PRKACA: variants seen among roughly 807,000 people sequenced by gnomAD.
PRKACA encodes cAMP-dependent protein kinase catalytic subunit alpha.
PRKACA carries 9 observed loss-of-function variants against 45.8 expected under a neutral mutation model. The observed-to-expected ratio is 0.20, with a 90% CI of 0.12 to 0.34. The LOEUF is 0.34. Ranked by LOEUF, PRKACA falls within the 10% of genes least tolerant of loss-of-function variation. The pLI is 1.00. For synonymous variants in PRKACA, 160 were observed against 178.6 expected (o/e 0.90, Z 0.83); for missense variants, 238 against 458.6 (o/e 0.52, Z 4.39).
intron 5 of PRKACA, among the ~76,000 whole-genome samples, chr19:14,099,604 T>A (rs1341093037): frequency 1.3e-5 from 2 of 150,398 alleles, no homozygotes; most frequent in African/African-American, 4.9e-5. Flanking sequence ...TTTTTTTTTT[T>A]TTGTATTTTT....
At position 14,097,837 on chromosome 19, in the gene PRKACA, A is replaced by C; in HGVS notation, c.473T>G (p.Leu158Arg). The change falls in exon 6 of 10, where the codon CTG (leucine) becomes CGG (arginine). Residue 158 changes from leucine to arginine, a missense_variant. Leu to Arg is a moderately radical substitution (Grantham distance 102). Coordinates refer to ENST00000308677, the MANE Select transcript of PRKACA (RefSeq NM_002730.4). This position sits in a 1 kb window ranked among gnomAD's most constrained non-coding sequence, Gnocchi z 5.4. ...AAQIVLTFEY[L>R]HSLDLIYRDL... ...CCTGTAGATGAGATCCAGCGAGTGC[A>C]GATACTCAAAGGTCAGGACGATCTG... The C allele has an allele frequency of 6.2e-7, 1 of 1,614,176 alleles. No individual in the cohort carries two copies. Among genetic ancestry groups the C allele is most frequent in the Non-Finnish European group, 8.5e-7 (1 of 1,180,026 alleles).
At chr19:14,103,790 G>T (rs1977515306) in intron 3 of PRKACA, among the ~76,000 whole-genome samples, 1 of 152,218 alleles carries the variant, frequency 6.6e-6, no homozygotes, top group Non-Finnish European at 1.5e-5. Flanking sequence ...CACCAGCTGG[G>T]CATGGTGGCT....
At position 14,097,922 on chromosome 19, in the gene PRKACA, G is replaced by T. The variant is rs1977311623; in HGVS notation, c.420-32C>A. On this transcript the variant is annotated intron_variant, in intron 5 of 9. Coordinates refer to ENST00000308677, the MANE Select transcript of PRKACA (RefSeq NM_002730.4). The surrounding 1 kb of genome is among the most constrained non-coding windows in gnomAD (Gnocchi z 5.4). ...GGGACAAATGGGGAGGTGAACGTCA[G>T]TGGTCATGCCCCAAAATGGTCCAGC... 2 of 1,612,822 alleles carry T rather than the reference G, an allele frequency of 1.2e-6. No homozygotes were observed.
chr19:14,100,163 G>C (rs917674656), intron 5 of PRKACA, among the ~76,000 whole-genome samples: 68 of 151,724 alleles, frequency 4.5e-4, no homozygotes, highest in African/African-American at 1.6e-3. Context: ...TTTTAAAAGA[G>C]ACAAAACCTC....
intron 5 of PRKACA, among the ~76,000 whole-genome samples, chr19:14,099,802 T>C (rs937778265): frequency 6.6e-6 from 1 of 151,684 alleles, no homozygotes; most frequent in African/African-American, 2.4e-5. Flanking sequence ...AATCTACACA[T>C]ATAAAACTGT....
intron 5 of PRKACA, among the ~76,000 whole-genome samples, chr19:14,098,718 A>G (rs1420900057): frequency 6.8e-6 from 1 of 146,984 alleles, no homozygotes; most frequent in Non-Finnish European, 1.5e-5. Context: ...CTGGTCTCGA[A>G]CTCCTGACCT....
intron 8 of PRKACA, among the ~76,000 whole-genome samples, chr19:14,095,136 C>CT (rs981920604): frequency 1.3e-5 from 2 of 150,958 alleles, no homozygotes; most frequent in Non-Finnish European, 1.5e-5. Flanking sequence ...TTTTTTCTTT[C>CT]TTTTTTTTCC....
chr19:14,113,848 C>A (rs1007187597), intron 1 of PRKACA, among the ~76,000 whole-genome samples: 2 of 152,256 alleles, frequency 1.3e-5, no homozygotes, highest in Middle Eastern at 3.4e-3. Context: ...GCTCATCCTA[C>A]AGTCTGAGCT....
At chr19:14,107,783 C>A in intron 1 of PRKACA, 1 of 1,015,078 alleles carries the variant, frequency 9.9e-7, no homozygotes, top group Non-Finnish European at 1.2e-6. Context: ...CCTCTGGCCC[C>A]TTCTCTGGGG....
chr19:14,108,133 T>C, intron 1 of PRKACA: 1 of 985,470 alleles, frequency 1.0e-6, no homozygotes, highest in South Asian at 4.7e-5. Flanking sequence ...GTCATTCTCG[T>C]CTCTGCTGAG....
intron 1 of PRKACA, among the ~76,000 whole-genome samples, chr19:14,111,076 G>A (rs1966950458): frequency 6.6e-6 from 1 of 152,234 alleles, no homozygotes; most frequent in South Asian, 2.1e-4. Flanking sequence ...TCAGCATTCA[G>A]AGAGAAGAGC....
At position 14,117,137 on chromosome 19, in the gene PRKACA, T is replaced by C. The variant is rs375519386; in HGVS notation, c.46+365A>G. On this transcript the variant is annotated intron_variant, in intron 1 of 9. Coordinates refer to ENST00000308677, the MANE Select transcript of PRKACA (RefSeq NM_002730.4). ...GGTCGGGGTCAGGCAGAGGATCCCATAGGTGAGAGAGGTGAGTGAGGAAGT... is the reference window on the plus strand; with the variant it reads ...GGTCGGGGTCAGGCAGAGGATCCCACAGGTGAGAGAGGTGAGTGAGGAAGT... Among the ~76,000 whole-genome samples, 9 of 135,284 alleles carry C rather than the reference T, an allele frequency of 6.7e-5. No homozygotes were observed. In the East Asian group the frequency reaches 9.1e-4, roughly 14 times the overall value. 88.8% of individuals were successfully genotyped at this position (135,284 alleles called of 152,430 possible). A position where few individuals can be genotyped will look rare whatever the true frequency, so the allele number is the denominator to read the frequency against.
chr19:14,114,126 A>G lies in PRKACA; in HGVS notation c.46+3376T>C, dbSNP rs747314281. 9 of 1,610,522 alleles carry G rather than the reference A, an allele frequency of 5.6e-6. No individual in the cohort carries two copies. In the Admixed American group the frequency reaches 1.2e-4, roughly 21 times the overall value. ...GGAAGTTGCTATAGTAACAGGACTCAGCCTCACCATCGCTGGAGTTGGAAG... is the reference window on the plus strand; with the variant it reads ...GGAAGTTGCTATAGTAACAGGACTCGGCCTCACCATCGCTGGAGTTGGAAG... On this transcript the variant is annotated intron_variant, in intron 1 of 9. Transcript: ENST00000308677.
intron 1 of PRKACA, among the ~76,000 whole-genome samples, chr19:14,116,387 A>G (rs1967106141): frequency 6.6e-6 from 1 of 152,198 alleles, no homozygotes; most frequent in Non-Finnish European, 1.5e-5. Flanking sequence ...CCTGGGAATG[A>G]TCAGAATCAC....
intron 8 of PRKACA, 103 bp from the exon 9 acceptor site, chr19:14,093,895 C>A: frequency 8.1e-7 from 1 of 1,238,796 alleles, no homozygotes; most frequent in Non-Finnish European, 1.1e-6. Flanking sequence ...TGTGGGCCTC[C>A]AAAGCAGAGT....
chr19:14,102,093 G>GT (rs1233585795), intron 4 of PRKACA, among the ~76,000 whole-genome samples: 1 of 152,170 alleles, frequency 6.6e-6, no homozygotes, highest in Admixed American at 6.6e-5. Flanking sequence ...GAACCCAGGA[G>GT]GCAGAGGTTG....
chr19:14,093,560 A>G (rs926953573), intron 9 of PRKACA, 68 bp downstream of exon 9: 1 of 1,531,398 alleles, frequency 6.5e-7, no homozygotes. Context: ...CTATTTCTCT[A>G]TTGGCTGTCC....
intron 1 of PRKACA, chr19:14,114,338 G>A: frequency 1.3e-6 from 1 of 743,162 alleles, no homozygotes; most frequent in Non-Finnish European, 2.2e-6. Flanking sequence ...GGGACAGATA[G>A]GGCCCTCCGA....
intron 3 of PRKACA, among the ~76,000 whole-genome samples, chr19:14,103,822 T>C (rs1282612749): frequency 6.6e-6 from 1 of 152,158 alleles, no homozygotes. Flanking sequence ...TCCCAGCACT[T>C]TGGGAGGCCC....
Sources: allele counts gnomAD v4.1 joint callset (sites outside exome capture counted in the v4.1 genomes callset), GRCh38; gene constraint gnomAD v4.1.1; non-coding constraint Gnocchi (gnomAD v3.1); transcripts MANE v1.5; gene names NCBI Gene and HGNC (gene_info 2026-07-23, HGNC 2026-07-21).